The following PARD3B variants were observed in gnomAD, a reference collection of about 807,000 sequenced individuals.
PARD3B encodes the protein par-3 family cell polarity regulator beta, also known as partitioning defective 3 homolog B.
In PARD3B, 103 loss-of-function variants were observed where a neutral mutation model predicts 130.2. That is an observed-to-expected ratio of 0.79 (90% CI 0.67 to 0.93). The LOEUF is 0.93. Among genes scored for constraint, PARD3B ranks in the 40% least tolerant of loss-of-function variants. PARD3B has a pLI of 0.00. For missense variants in PARD3B, 1,609 were observed against 1,499.2 expected (o/e 1.07, Z -1.21); for synonymous variants, 583 against 553.2 (o/e 1.05, Z -0.76).
intron 3 of PARD3B, among the ~76,000 whole-genome samples, chr2:205,004,370 C>G (rs1224195673): frequency 6.6e-6 from 1 of 152,070 alleles, no homozygotes; most frequent in African/African-American, 2.4e-5. Flanking sequence ...TTTAGAAGAC[C>G]AGGTATTATT....
At chr2:205,197,033 GTGTGT>G (rs1334793243) in intron 15 of PARD3B, among the ~76,000 whole-genome samples, 2 of 30,080 alleles carry the variant, frequency 6.6e-5, no homozygotes, top group Admixed American at 3.5e-4. Context: ...TGGGGGGGGG[GTGTGT>G]GTGTGTGTGT....
At chr2:205,442,138 A>C (rs1414854654) in intron 20 of PARD3B, among the ~76,000 whole-genome samples, 3 of 152,132 alleles carry the variant, frequency 2.0e-5, no homozygotes, top group African/African-American at 7.2e-5. Context: ...CCCAACACAG[A>C]GGGACTGTTT....
At position 204,906,406 on chromosome 2, in the gene PARD3B, G is replaced by T. The variant is rs2047043998; in HGVS notation, c.223-58746G>T. 6.6e-6 allele frequency among the ~76,000 whole-genome samples: 1 copy of T among 151,672 alleles called. No individual in the cohort carries two copies. The highest frequency in any genetic ancestry group is 2.4e-5 in the African/African-American group (1 of 41,294). On this transcript the variant is annotated intron_variant, in intron 2 of 22. Transcript: ENST00000406610. The surrounding 1 kb of genome is among the most constrained non-coding windows in gnomAD (Gnocchi z 4.3). ...TCCCCCTTTGTTTTCTCTTTTCATTGGTGTGTGTGTGTGTATGTATAAATG... is the reference window on the plus strand; with the variant it reads ...TCCCCCTTTGTTTTCTCTTTTCATTTGTGTGTGTGTGTGTATGTATAAATG...
intron 2 of PARD3B, among the ~76,000 whole-genome samples, chr2:204,782,467 C>T (rs974202748): frequency 6.7e-6 from 1 of 150,366 alleles, no homozygotes; most frequent in Non-Finnish European, 1.5e-5. Flanking sequence ...ATGTAATATA[C>T]ACATTACATA....
intron 1 of PARD3B, among the ~76,000 whole-genome samples, chr2:204,566,093 A>T (rs979429452): frequency 6.6e-6 from 1 of 152,254 alleles, no homozygotes; most frequent in Non-Finnish European, 1.5e-5. Flanking sequence ...AGGCATCAGT[A>T]GTGCCAGTGT....
chr2:204,822,561 T>C (rs1289724298), intron 2 of PARD3B, among the ~76,000 whole-genome samples: 1 of 152,226 alleles, frequency 6.6e-6, no homozygotes, highest in African/African-American at 2.4e-5. Context: ...ATTTGTATAA[T>C]AAACATCTTT....
chr2:204,931,574 A>G (rs1186103074), intron 2 of PARD3B, among the ~76,000 whole-genome samples: 1 of 151,176 alleles, frequency 6.6e-6, no homozygotes, highest in East Asian at 1.9e-4. Flanking sequence ...ACTTTGAAGT[A>G]TAAATGCTTA....
intron 20 of PARD3B, among the ~76,000 whole-genome samples, chr2:205,487,616 A>G (rs1030363628): frequency 1.3e-5 from 2 of 152,186 alleles, no homozygotes; most frequent in Non-Finnish European, 2.9e-5. Context: ...CTTTGATGGT[A>G]TTCCAGGATC....
At chr2:205,185,733 T>A in intron 13 of PARD3B, 31 bp from the exon 14 acceptor site, 3 of 1,593,528 alleles carry the variant, frequency 1.9e-6, no homozygotes, top group Non-Finnish European at 1.7e-6. Context: ...TGCTTCCACT[T>A]TATACAGCTT....
chr2:204,897,629 C>T (rs2046689381), intron 2 of PARD3B, among the ~76,000 whole-genome samples: 1 of 151,958 alleles, frequency 6.6e-6, no homozygotes, highest in South Asian at 2.1e-4. Context: ...AGGATATTGA[C>T]AGTGATACAG....
chr2:204,891,574 C>T (rs938829155), intron 2 of PARD3B, among the ~76,000 whole-genome samples: 1 of 152,136 alleles, frequency 6.6e-6, no homozygotes, highest in African/African-American at 2.4e-5. Context: ...AATATTTTCA[C>T]TGGAGAGATT....
chr2:204,898,059 C>A (rs1205300444), intron 2 of PARD3B, among the ~76,000 whole-genome samples: 1 of 151,044 alleles, frequency 6.6e-6, no homozygotes, highest in Non-Finnish European at 1.5e-5. Context: ...TACTTCACAC[C>A]AATACACTGT....
chr2:205,545,067 A>AAAAC (rs2052325320), intron 21 of PARD3B, among the ~76,000 whole-genome samples: 1 of 152,260 alleles, frequency 6.6e-6, no homozygotes, highest in African/African-American at 2.4e-5. Context: ...CAAATTGTGG[A>AAAAC]AAACAAACAC....
intron 2 of PARD3B, among the ~76,000 whole-genome samples, chr2:204,697,264 C>T (rs2037654043): frequency 6.6e-6 from 1 of 152,034 alleles, no homozygotes; most frequent in African/African-American, 2.4e-5. Context: ...TCTTGGTTGA[C>T]TTACTTGGAA....
chr2:205,235,050 A>G (rs554528004), intron 15 of PARD3B, among the ~76,000 whole-genome samples: 1 of 152,344 alleles, frequency 6.6e-6, no homozygotes, highest in South Asian at 2.1e-4. Context: ...AGATGTCACT[A>G]AGAGGATAAT....
chr2:204,639,165 G>A (rs926702644), intron 1 of PARD3B, among the ~76,000 whole-genome samples: 3 of 152,184 alleles, frequency 2.0e-5, no homozygotes, highest in Non-Finnish European at 2.9e-5. Context: ...TATCTTGGGA[G>A]TAGAAGTTGA....
intron 3 of PARD3B, among the ~76,000 whole-genome samples, chr2:204,986,906 A>G (rs546268651): frequency 3.3e-5 from 5 of 152,320 alleles, no homozygotes; most frequent in African/African-American, 7.2e-5. Context: ...CAGTTCCTCA[A>G]ATTTTGAAAG....
chr2:205,489,503 ATATATACG>A (rs1283527308), intron 20 of PARD3B, among the ~76,000 whole-genome samples: 10 of 144,450 alleles, frequency 6.9e-5, no homozygotes, highest in African/African-American at 2.5e-4. Flanking sequence ...GTGTGTATAT[ATATATACG>A]TATATATATA....
At chr2:204,714,799 A>G (rs956646838) in intron 2 of PARD3B, among the ~76,000 whole-genome samples, 3 of 152,216 alleles carry the variant, frequency 2.0e-5, no homozygotes, top group African/African-American at 7.2e-5. Context: ...GCAAGTCATC[A>G]GTATCTACTA....
Sources: allele counts gnomAD v4.1 joint callset (sites outside exome capture counted in the v4.1 genomes callset), GRCh38; gene constraint gnomAD v4.1.1; non-coding constraint Gnocchi (gnomAD v3.1); transcripts MANE v1.5; gene names NCBI Gene and HGNC (gene_info 2026-07-23, HGNC 2026-07-21).